The following PRKCA variants were observed in gnomAD, a reference collection of about 807,000 sequenced individuals.
PRKCA encodes protein kinase C alpha.
PRKCA carries 27 observed loss-of-function variants against 87.0 expected under a neutral mutation model. The ratio of observed to expected loss-of-function variants is 0.31; its 90% confidence interval spans 0.23 to 0.43. The LOEUF (loss-of-function observed/expected upper bound fraction) is 0.43, where lower values mean the gene tolerates loss of function less well. PRKCA is among the 20% of genes least tolerant of loss of function. PRKCA has a pLI of 1.00. For missense variants in PRKCA, 518 were observed against 852.3 expected, an observed-to-expected ratio of 0.61 and a Z score of 4.88; for synonymous variants, 329 against 311.1, an observed-to-expected ratio of 1.06 and a Z score of -0.61.
chr17:66,423,699 C>T (rs1003742020), intron 2 of PRKCA, among the ~76,000 whole-genome samples: 1 of 152,262 alleles, frequency 6.6e-6, no homozygotes, highest in Non-Finnish European at 1.5e-5. Context: ...TGGCCTCCCC[C>T]AGTTGAGAAA....
intron 2 of PRKCA, among the ~76,000 whole-genome samples, chr17:66,394,837 T>G (rs911464069): frequency 6.6e-6 from 1 of 152,168 alleles, no homozygotes; most frequent in Non-Finnish European, 1.5e-5. Context: ...CCTGCTGCCT[T>G]GTGAAGAAGG....
chr17:66,751,190 A>G (rs1399861002), intron 13 of PRKCA, among the ~76,000 whole-genome samples: 2 of 152,200 alleles, frequency 1.3e-5, no homozygotes, highest in African/African-American at 4.8e-5. Context: ...GATTACTAAC[A>G]TTTGTTCATT....
intron 3 of PRKCA, among the ~76,000 whole-genome samples, chr17:66,527,608 A>G (rs1224026326): frequency 1.3e-5 from 2 of 152,224 alleles, no homozygotes; most frequent in East Asian, 1.9e-4. Flanking sequence ...TGTCTGCTCA[A>G]ACCTCCTCCC....
chr17:66,510,576 A>G lies in PRKCA; in HGVS notation c.288+14293A>G, dbSNP rs148486091. Among the ~76,000 whole-genome samples, 994 of 152,280 alleles carry G rather than the reference A, an allele frequency of 6.5e-3. 15 individuals are homozygous for G. The highest frequency in any genetic ancestry group is 0.021 in the African/African-American group (868 of 41,558). On this transcript the variant is annotated intron_variant, in intron 3 of 16. Coordinates refer to ENST00000413366, the MANE Select transcript of PRKCA (RefSeq NM_002737.3). ...AGAGAGCTAACAGCTTAAGGAATCA[A>G]TAGCCTTTGATTTCTTTCCCATTTG...
chr17:66,665,389 G>C (rs1349234316), intron 5 of PRKCA, among the ~76,000 whole-genome samples: 1 of 152,154 alleles, frequency 6.6e-6, no homozygotes, highest in Non-Finnish European at 1.5e-5. Flanking sequence ...GGTATACGCT[G>C]AGTCACCTGC....
intron 8 of PRKCA, among the ~76,000 whole-genome samples, chr17:66,727,096 T>TG (rs1186472401): frequency 6.6e-6 from 1 of 152,114 alleles, no homozygotes; most frequent in Non-Finnish European, 1.5e-5. Context: ...TTGCTGCCCG[T>TG]GGGCTAGGGG....
intron 2 of PRKCA, among the ~76,000 whole-genome samples, chr17:66,447,988 G>T (rs1395448450): frequency 1.3e-5 from 2 of 152,196 alleles, no homozygotes; most frequent in African/African-American, 4.8e-5. Context: ...GTCGGGCAGT[G>T]GGTATCGACA....
intron 3 of PRKCA, among the ~76,000 whole-genome samples, chr17:66,596,284 A>C (rs2143570688): frequency 6.6e-6 from 1 of 152,332 alleles, no homozygotes; most frequent in East Asian, 1.9e-4. Context: ...CAATAAAAGC[A>C]AGATAAGAAA....
intron 3 of PRKCA, among the ~76,000 whole-genome samples, chr17:66,624,144 TG>T (rs1454953299): frequency 6.6e-6 from 1 of 151,882 alleles, no homozygotes. Flanking sequence ...AAAGGAGTGA[TG>T]CATGCCAGTC....
At chr17:66,501,513 G>C (rs1567861532) in intron 3 of PRKCA, among the ~76,000 whole-genome samples, 1 of 152,188 alleles carries the variant, frequency 6.6e-6, no homozygotes, top group Non-Finnish European at 1.5e-5. Context: ...TCATTCCCTG[G>C]TACTGCCTGT....
intron 3 of PRKCA, among the ~76,000 whole-genome samples, chr17:66,556,428 T>C (rs1232621210): frequency 6.6e-6 from 1 of 151,962 alleles, no homozygotes; most frequent in Non-Finnish European, 1.5e-5. Flanking sequence ...AAAGAGGTTA[T>C]TGAAAATGTT....
At position 66,590,987 on chromosome 17, in the gene PRKCA, TA is replaced by T. The variant is rs1208671474; in HGVS notation, c.289-50367del. Among the ~76,000 whole-genome samples, 26 of 152,236 alleles carry T rather than the reference TA, an allele frequency of 1.7e-4. No individual in the cohort carries two copies. In the East Asian group the frequency reaches 5.0e-3, roughly 29 times the overall value. Reference sequence around the variant, plus strand: ...GGGGAGCACATGGGCTCTGCTTGCTTATGGCCTGGGTTCAAATCCCAGGCCT... The same window carrying T: ...GGGGAGCACATGGGCTCTGCTTGCTTTGGCCTGGGTTCAAATCCCAGGCCT... On this transcript the variant is annotated intron_variant, in intron 3 of 16. Coordinates refer to ENST00000413366, the MANE Select transcript of PRKCA (RefSeq NM_002737.3).
At chr17:66,682,360 C>T (rs1380490269) in intron 5 of PRKCA, among the ~76,000 whole-genome samples, 1 of 152,244 alleles carries the variant, frequency 6.6e-6, no homozygotes, top group Non-Finnish European at 1.5e-5. Context: ...TTCTGTATTT[C>T]TATTAAAGTT....
intron 5 of PRKCA, among the ~76,000 whole-genome samples, chr17:66,661,146 T>C (rs901217273): frequency 2.0e-5 from 3 of 152,192 alleles, no homozygotes; most frequent in African/African-American, 7.2e-5. Context: ...GCAGAAAACA[T>C]GGCCCTAGAC....
chr17:66,719,253 T>G (rs1387741223), intron 8 of PRKCA, among the ~76,000 whole-genome samples: 1 of 152,152 alleles, frequency 6.6e-6, no homozygotes, highest in African/African-American at 2.4e-5. Context: ...TAGGATATGA[T>G]GCAGTCACTC....
chr17:66,322,067 G>A (rs1905702503), intron 2 of PRKCA, among the ~76,000 whole-genome samples: 1 of 152,216 alleles, frequency 6.6e-6, no homozygotes, highest in African/African-American at 2.4e-5. Flanking sequence ...CACTCTGGGT[G>A]AGGTCAGCCT....
chr17:66,540,348 G>A (rs141185415), intron 3 of PRKCA, among the ~76,000 whole-genome samples: 99 of 152,356 alleles, frequency 6.5e-4, no homozygotes, highest in Middle Eastern at 3.4e-3. Flanking sequence ...AAGAGGGGGC[G>A]GAGAGGGAGG....
intron 8 of PRKCA, among the ~76,000 whole-genome samples, chr17:66,703,113 ATCT>A (rs1479307722): frequency 1.3e-5 from 2 of 152,202 alleles, no homozygotes; most frequent in Non-Finnish European, 2.9e-5. Context: ...TATTTTTAAA[ATCT>A]TCTTTCTTCA....
chr17:66,578,155 C>CA (rs1206889775), intron 3 of PRKCA, among the ~76,000 whole-genome samples: 2 of 148,566 alleles, frequency 1.3e-5, no homozygotes, highest in African/African-American at 2.5e-5. Flanking sequence ...CAAAACAAAA[C>CA]AAAACAGCCC....
Sources: gnomAD v4.1 joint callset for allele counts (sites outside exome capture counted in the v4.1 genomes callset) on GRCh38, gnomAD v4.1.1 for gene constraint, MANE v1.5 for transcripts, NCBI Gene and HGNC (gene_info 2026-07-23, HGNC 2026-07-21) for gene names.